GAS7: variants seen among roughly 807,000 people sequenced by gnomAD.
GAS7 encodes the protein growth arrest specific 7, also known as growth arrest-specific protein 7.
A neutral mutation model predicts 71.1 loss-of-function variants in GAS7; 28 were observed. The ratio of observed to expected loss-of-function variants is 0.39; its 90% CI spans 0.29 to 0.54. The LOEUF (loss-of-function observed/expected upper bound fraction) is 0.54. GAS7 is among the 20% of genes least tolerant of loss of function. GAS7 has a pLI of 0.62. For missense variants in GAS7, 436 were observed against 627.8 expected, an observed-to-expected ratio of 0.69 and a Z score of 3.27; for synonymous variants, 258 against 245.8, an observed-to-expected ratio of 1.05 and a Z score of -0.46.
intron 3 of GAS7, among the ~76,000 whole-genome samples, chr17:9,971,378 G>A (rs572900911): frequency 5.4e-4 from 82 of 152,298 alleles, no homozygotes; most frequent in Middle Eastern, 6.8e-3. Context: ...GGACAACACC[G>A]TGAGACCTCA....
intron 2 of GAS7, among the ~76,000 whole-genome samples, chr17:10,005,324 T>TACACACACACACACAC (rs1488449808): frequency 6.8e-6 from 1 of 146,570 alleles, no homozygotes; most frequent in African/African-American, 2.6e-5. Context: ...CACACATATA[T>TACACACACACACACAC]ATATACACAC....
intron 1 of GAS7, among the ~76,000 whole-genome samples, chr17:10,022,842 C>T (rs760446005): frequency 9.6e-4 from 146 of 152,132 alleles, no homozygotes; most frequent in Non-Finnish European, 1.9e-3. Context: ...CAATACTACC[C>T]GACTTGAACG....
At chr17:10,190,288 T>A (rs1408111138) in intron 1 of GAS7, among the ~76,000 whole-genome samples, 1 of 152,084 alleles carries the variant, frequency 6.6e-6, no homozygotes, top group African/African-American at 2.4e-5. Flanking sequence ...GGAGAAGGCT[T>A]TAAGAAATGT....
intron 4 of GAS7, among the ~76,000 whole-genome samples, chr17:9,962,221 C>T (rs1312408706): frequency 3.4e-5 from 5 of 146,768 alleles, no homozygotes; most frequent in African/African-American, 1.3e-4. Context: ...ACTTCATATA[C>T]ATATCACGTG....
At chr17:9,923,866 G>C (rs1057053346) in intron 11 of GAS7, among the ~76,000 whole-genome samples, 21 of 152,202 alleles carry the variant, frequency 1.4e-4, no homozygotes, top group Admixed American at 1.1e-3. Flanking sequence ...AACAATCTAA[G>C]AGTCCTAAAC....
chr17:10,104,522 C>T (rs2073738873), intron 1 of GAS7, among the ~76,000 whole-genome samples: 1 of 152,174 alleles, frequency 6.6e-6, no homozygotes, highest in Admixed American at 6.5e-5. Context: ...CTGACCTGTC[C>T]CAGCTCTCCA....
intron 2 of GAS7, among the ~76,000 whole-genome samples, chr17:10,017,864 C>G (rs1462683228): frequency 6.6e-6 from 1 of 152,198 alleles, no homozygotes; most frequent in African/African-American, 2.4e-5. Context: ...GGCCTGGAGC[C>G]TCTGTGGGAT....
chr17:9,958,645 T>A, intron 5 of GAS7, among the ~76,000 whole-genome samples: 1 of 72,380 alleles, frequency 1.4e-5, no homozygotes, highest in Non-Finnish European at 2.6e-5. Flanking sequence ...CCTTCATCTC[T>A]GCATGGGGGT....
chr17:10,059,928 C>G (rs1293675973), intron 1 of GAS7: 4 of 455,348 alleles, frequency 8.8e-6, no homozygotes, highest in Non-Finnish European at 1.2e-5. Context: ...GAAAGCATGT[C>G]CACAGCCTTC....
intron 3 of GAS7, among the ~76,000 whole-genome samples, chr17:9,979,862 T>TAA (rs749550179): frequency 0.079 from 11,086 of 141,120 alleles, 462 homozygotes; most frequent in African/African-American, 0.12. Context: ...TTGATTGTTT[T>TAA]AAAAAAAAAA....
In GAS7 at chr17:9,959,482, G is replaced by A. The variant is rs1190281974; in HGVS notation, c.472-227C>T. The stretch of plus-strand genomic sequence containing the variant: ...CGAATTAAGGAAGCCTCCTGCACAG[G>A]CTCTGAGAGAACTGCTCCAAACCAG... On this transcript the variant is annotated intron_variant, in intron 4 of 13. Transcript: ENST00000432992. This position sits in a 1 kb window ranked among gnomAD's most constrained non-coding sequence, Gnocchi z 5.0. The A allele has an allele frequency of 2.1e-6, 3 of 1,399,092 alleles. No homozygotes were observed. Among genetic ancestry groups the A allele is most frequent in the Non-Finnish European group, 2.8e-6 (3 of 1,077,916 alleles). 86.7% of individuals were successfully genotyped at this position (1,399,092 alleles called of 1,614,324 possible).
Position 9,915,265 on chromosome 17 carries a change from T to C in GAS7, c.*1963A>G, listed in dbSNP as rs763290708. 6 of 231,012 alleles carry C rather than the reference T, an allele frequency of 2.6e-5. No homozygotes were observed. The highest frequency in any genetic ancestry group is 1.1e-4 in the Admixed American group (2 of 17,696). The allele number at this position is 231,012 out of a possible 1,614,324, so 14.3% of individuals were successfully genotyped here. A position where few individuals can be genotyped will look rare whatever the true frequency, so the allele number is the denominator to read the frequency against. On this transcript the variant is annotated 3_prime_UTR_variant, in exon 14 of 14. Transcript: ENST00000432992. ...AATGAGCCATATTGTACTCAAAATATCTTGTTAATAACAAGGCTATTGGCT... is the reference window on the plus strand; with the variant it reads ...AATGAGCCATATTGTACTCAAAATACCTTGTTAATAACAAGGCTATTGGCT...
intron 1 of GAS7, among the ~76,000 whole-genome samples, chr17:10,146,853 G>A (rs1284946884): frequency 5.9e-5 from 9 of 152,148 alleles, no homozygotes; most frequent in African/African-American, 1.2e-4. Context: ...GCGTGGTGGC[G>A]GGTGCCTGTA....
chr17:10,135,368 C>T (rs1276534194), intron 1 of GAS7, among the ~76,000 whole-genome samples: 1 of 152,148 alleles, frequency 6.6e-6, no homozygotes, highest in African/African-American at 2.4e-5. Context: ...CCAAGGCCCA[C>T]CTCCAGAGTC....
rs559870326 is a variant in GAS7, at chr17:9,969,024, C to T, written c.471+653G>A. Among the ~76,000 whole-genome samples the T allele has an allele frequency of 2.0e-4, 31 of 152,252 alleles. No individual in the cohort carries two copies. The highest frequency in any genetic ancestry group is 1.7e-3 in the Admixed American group (26 of 15,286). ...CACAGCTTCACGCAACTAGAAAAGC[C>T]GTAAGCACTGACATCAAGGTCCAGT... On this transcript the variant is annotated intron_variant, in intron 4 of 13. Transcript: ENST00000432992. This position sits in a 1 kb window ranked among gnomAD's most constrained non-coding sequence, Gnocchi z 5.5.
Position 9,926,913 on chromosome 17 carries a change from ACAC to A in GAS7, c.886-147_886-145del. ...TAGCGACCTGGCAGGAAGGTGAGAG[ACAC>A]CCCCTGACACGTGGCTGCCTATCAG... is the stretch of plus-strand genomic sequence containing the variant. On this transcript the variant is annotated intron_variant, in intron 9 of 13. Transcript: ENST00000432992. This position sits in a 1 kb window ranked among gnomAD's most constrained non-coding sequence, Gnocchi z 5.0. 1 of 763,280 alleles carries A rather than the reference ACAC, an allele frequency of 1.3e-6. No homozygotes were observed. The highest frequency in any genetic ancestry group is 1.6e-5 in the South Asian group (1 of 62,892). 47.3% of individuals were successfully genotyped at this position (763,280 alleles called of 1,614,324 possible).
intron 1 of GAS7, among the ~76,000 whole-genome samples, chr17:10,140,271 G>A (rs377144019): frequency 6.6e-6 from 1 of 152,172 alleles, no homozygotes; most frequent in East Asian, 1.9e-4. Flanking sequence ...AGAGCAGCTT[G>A]TGCAACATAT....
chr17:10,033,567 AGCCC>A (rs1285135643), intron 1 of GAS7, among the ~76,000 whole-genome samples: 1 of 152,234 alleles, frequency 6.6e-6, no homozygotes, highest in Non-Finnish European at 1.5e-5. Flanking sequence ...CATGCAAAGC[AGCCC>A]GCTCACCAGA....
intron 2 of GAS7, among the ~76,000 whole-genome samples, chr17:9,993,524 G>A (rs1270296071): frequency 8.5e-5 from 13 of 152,100 alleles, no homozygotes; most frequent in Admixed American, 5.9e-4. Context: ...TTGATGGGAC[G>A]TATTTCAAAA....
Sources: allele counts gnomAD v4.1 joint callset (sites outside exome capture counted in the v4.1 genomes callset), GRCh38; gene constraint gnomAD v4.1.1; non-coding constraint Gnocchi (gnomAD v3.1); transcripts MANE v1.5; gene names NCBI Gene and HGNC (gene_info 2026-07-23, HGNC 2026-07-21).